PDE4D: variants seen among roughly 807,000 people sequenced by gnomAD.
The protein encoded by PDE4D is 3',5'-cyclic-AMP phosphodiesterase 4D.
PDE4D carries 24 observed loss-of-function variants against 87.4 expected under a neutral mutation model. The observed-to-expected ratio is 0.27, with a 90% confidence interval of 0.20 to 0.39. The LOEUF (loss-of-function observed/expected upper bound fraction) is 0.39, where lower values mean the gene tolerates loss of function less well. Ranked by LOEUF, PDE4D falls within the 10% of genes least tolerant of loss-of-function variation. The probability of loss-of-function intolerance (pLI) is 1.00; values close to 1 mark genes in which losing one functional copy is unlikely to be tolerated. For synonymous variants in PDE4D, 384 were observed against 383.2 expected (o/e 1.00, Z -0.02); for missense variants, 714 against 1,041.0 (o/e 0.69, Z 4.32).
chr5:59,903,490 C>G (rs1424522874), intron 3 of PDE4D, among the ~76,000 whole-genome samples: 1 of 152,048 alleles, frequency 6.6e-6, no homozygotes, highest in Admixed American at 6.6e-5. Flanking sequence ...TAAGACAGAG[C>G]AGGCAGGATA....
intron 1 of PDE4D, among the ~76,000 whole-genome samples, chr5:59,641,195 G>A (rs1347212822): frequency 2.6e-5 from 4 of 152,102 alleles, no homozygotes; most frequent in Non-Finnish European, 2.9e-5. Flanking sequence ...ACCAAACTCA[G>A]TTTTTACTTT....
At chr5:59,721,288 G>A (rs909291429) in intron 1 of PDE4D, among the ~76,000 whole-genome samples, 32 of 152,062 alleles carry the variant, frequency 2.1e-4, no homozygotes, top group African/African-American at 7.5e-4. Flanking sequence ...TCAACCCTGA[G>A]GAATAGAAAG....
At chr5:60,424,513 C>T (rs567177158) in intron 1 of PDE4D, among the ~76,000 whole-genome samples, 1 of 152,150 alleles carries the variant, frequency 6.6e-6, no homozygotes, top group African/African-American at 2.4e-5. Context: ...CAATAAACTA[C>T]ATAATGATGG....
At chr5:59,212,866 G>GTA (rs1379308480) in intron 2 of PDE4D, among the ~76,000 whole-genome samples, 1 of 151,820 alleles carries the variant, frequency 6.6e-6, no homozygotes, top group Non-Finnish European at 1.5e-5. Flanking sequence ...GGGCTGGTCA[G>GTA]TATTCTACTC....
At chr5:60,457,533 A>G (rs913807201) in intron 1 of PDE4D, among the ~76,000 whole-genome samples, 4 of 152,130 alleles carry the variant, frequency 2.6e-5, no homozygotes, top group Non-Finnish European at 5.9e-5. Flanking sequence ...TATTACTATA[A>G]TATATCAGGG....
chr5:60,109,025 T>G (rs1777370509), intron 2 of PDE4D, among the ~76,000 whole-genome samples: 2 of 152,032 alleles, frequency 1.3e-5, no homozygotes, highest in Non-Finnish European at 2.9e-5. Flanking sequence ...CTAATTAAAC[T>G]AAAGAGCTTC....
Position 59,369,299 on chromosome 5 carries a change from C to T in PDE4D, c.456-153331G>A, listed in dbSNP as rs538391958. On this transcript the variant is annotated intron_variant, in intron 1 of 14. Transcript: ENST00000340635. ...TGAATAGGCTTGTGAAAAAGACTAA[C>T]GCCTCCCAACTGTATCTCCATCCCT... Among the ~76,000 whole-genome samples the T allele has an allele frequency of 2.2e-4, 34 of 152,120 alleles. 1 individual carries two copies. Among genetic ancestry groups the T allele is most frequent in the Admixed American group, 1.4e-3 (22 of 15,266 alleles).
At chr5:59,261,540 A>G (rs1762010220) in intron 1 of PDE4D, among the ~76,000 whole-genome samples, 1 of 151,888 alleles carries the variant, frequency 6.6e-6, no homozygotes, top group African/African-American at 2.4e-5. Flanking sequence ...CCCGAAGATT[A>G]TCTGTAAAGA....
At chr5:59,482,993 T>C (rs149057871) in intron 1 of PDE4D, among the ~76,000 whole-genome samples, 2,369 of 152,234 alleles carry the variant, frequency 0.016, 76 homozygotes, top group African/African-American at 0.055. Context: ...CTCTCCTACA[T>C]TTGGATGGCC....
rs114016203 is a variant in PDE4D, at chr5:60,031,978, T to C, written c.43-43261A>G. 7.4e-3 allele frequency among the ~76,000 whole-genome samples: 1,120 copies of C among 152,304 alleles called. 14 individuals carry two copies. Among genetic ancestry groups the C allele is most frequent in the African/African-American group, 0.026 (1,075 of 41,580 alleles). ...TTCTAGCTATTATCTTAAGAAGCTA[T>C]AAGGAAGCGCTTTATTATCAACTGG... On this transcript the variant is annotated intron_variant, in intron 2 of 16. Coordinates refer to the PDE4D transcript ENST00000502484.
At chr5:59,310,305 G>T (rs1282647113) in intron 1 of PDE4D, among the ~76,000 whole-genome samples, 2 of 152,102 alleles carry the variant, frequency 1.3e-5, no homozygotes, top group African/African-American at 2.4e-5. Flanking sequence ...TGTCTTGGGG[G>T]CAAGTCAACC....
Position 59,627,363 on chromosome 5 carries a change from TA to T in PDE4D, c.455+265804del, listed in dbSNP as rs766150519. Among the ~76,000 whole-genome samples, 13 of 152,352 alleles carry T rather than the reference TA, an allele frequency of 8.5e-5. No individual in the cohort carries two copies. In the East Asian group the frequency reaches 1.2e-3, roughly 14 times the overall value. On this transcript the variant is annotated intron_variant, in intron 1 of 14. Transcript: ENST00000340635. ...TAAAATGATAGTAATAGAGGTTATT[TA>T]AAAATGTTCCAAATTCTAGGGTTTT...
At chr5:59,001,432 C>T (rs1489325322) in intron 6 of PDE4D, among the ~76,000 whole-genome samples, 4 of 152,154 alleles carry the variant, frequency 2.6e-5, no homozygotes, top group African/African-American at 9.7e-5. Flanking sequence ...TGGCCTTTAG[C>T]TGCTACAGTC....
chr5:60,387,678 C>T (rs1762287550), intron 1 of PDE4D, among the ~76,000 whole-genome samples: 1 of 152,130 alleles, frequency 6.6e-6, no homozygotes, highest in African/African-American at 2.4e-5. Flanking sequence ...TCAGGAAAAG[C>T]TCTCTCAAAC....
chr5:60,472,887 G>T (rs1297766876), intron 1 of PDE4D, among the ~76,000 whole-genome samples: 1 of 152,086 alleles, frequency 6.6e-6, no homozygotes, highest in Non-Finnish European at 1.5e-5. Context: ...CCAACTGCAA[G>T]CTAATGTAAG....
chr5:60,436,309 A>G (rs573624782), intron 1 of PDE4D, among the ~76,000 whole-genome samples: 1 of 152,218 alleles, frequency 6.6e-6, no homozygotes, highest in East Asian at 1.9e-4. Flanking sequence ...GCCCAGAAAC[A>G]AAGTCAAAAA....
intron 1 of PDE4D, among the ~76,000 whole-genome samples, chr5:60,415,790 T>C (rs1157637275): frequency 6.6e-6 from 1 of 152,204 alleles, no homozygotes; most frequent in African/African-American, 2.4e-5. Flanking sequence ...GCCAAAGGGC[T>C]GAGGAGTGCA....
At chr5:60,077,122 G>A (rs749636413) in intron 2 of PDE4D, among the ~76,000 whole-genome samples, 1 of 152,218 alleles carries the variant, frequency 6.6e-6, no homozygotes, top group Admixed American at 6.5e-5. Flanking sequence ...TGCTGGAAGT[G>A]TTGGTGCCAG....
intron 1 of PDE4D, among the ~76,000 whole-genome samples, chr5:59,383,333 C>T (rs1403982518): frequency 5.3e-5 from 8 of 151,986 alleles, no homozygotes; most frequent in African/African-American, 1.9e-4. Flanking sequence ...CGCAAGCCTG[C>T]TCCAGTCTCA....
Sources: gnomAD v4.1 joint callset for allele counts (sites outside exome capture counted in the v4.1 genomes callset) on GRCh38, gnomAD v4.1.1 for gene constraint, MANE v1.5 for transcripts, NCBI Gene and HGNC (gene_info 2026-07-23, HGNC 2026-07-21) for gene names.